The following RABGEF1 variants were observed in gnomAD, a reference collection of about 807,000 sequenced individuals.
RABGEF1 encodes RAB guanine nucleotide exchange factor 1.
A neutral mutation model predicts 57.3 loss-of-function variants in RABGEF1; 26 were observed. The observed-to-expected ratio is 0.45, with a 90% CI of 0.33 to 0.63. The LOEUF (loss-of-function observed/expected upper bound fraction) is 0.63, where lower values mean the gene tolerates loss of function less well. Ranked by LOEUF, RABGEF1 falls within the 20% of genes least tolerant of loss-of-function variation. The pLI, the probability that RABGEF1 is intolerant of heterozygous loss-of-function variation, is 0.02. For synonymous variants in RABGEF1, 185 were observed against 210.7 expected (o/e 0.88, Z 1.06); for missense variants, 464 against 607.6 (o/e 0.76, Z 2.48).
intron 2 of RABGEF1, among the ~76,000 whole-genome samples, chr7:66,732,641 T>C (rs1245946319): frequency 6.6e-6 from 1 of 152,096 alleles, no homozygotes; most frequent in East Asian, 1.9e-4. Context: ...TGACTTTCAG[T>C]TCCACTCCAT....
intron 4 of RABGEF1, among the ~76,000 whole-genome samples, chr7:66,795,304 C>T (rs143254867): frequency 5.3e-5 from 8 of 152,244 alleles, no homozygotes; most frequent in Middle Eastern, 3.4e-3. Flanking sequence ...CCGTCTTTAG[C>T]TGAACTAAGG....
intron 1 of RABGEF1, among the ~76,000 whole-genome samples, chr7:66,768,347 G>A (rs182943107): frequency 6.6e-6 from 1 of 152,348 alleles, no homozygotes; most frequent in East Asian, 1.9e-4. Context: ...CTTTGTTAAA[G>A]TGTCTGTTGA....
chr7:66,732,958 A>G (rs1009284919), intron 2 of RABGEF1, among the ~76,000 whole-genome samples: 7 of 152,246 alleles, frequency 4.6e-5, no homozygotes, highest in East Asian at 1.9e-4. Context: ...TGAGCTTGCA[A>G]AAGTGGCAAG....
At chr7:66,680,873 C>G (rs1474746067), upstream of RABGEF1, among the ~76,000 whole-genome samples, 1 of 152,070 alleles carries the variant, frequency 6.6e-6, no homozygotes, top group Non-Finnish European at 1.5e-5. Context: ...CTTGAGGTCA[C>G]GATTCCAAAC....
At chr7:66,701,973 A>G (rs898060191) in intron 1 of RABGEF1, among the ~76,000 whole-genome samples, 2 of 152,232 alleles carry the variant, frequency 1.3e-5, no homozygotes, top group Admixed American at 1.3e-4. Context: ...GGCATTAAGT[A>G]CATCCACAAT....
rs1267557634 is a variant in RABGEF1, at chr7:66,809,055, T to G, written c.1247T>G (p.Leu416Arg). The G allele has an allele frequency of 6.2e-7, 1 of 1,614,172 alleles. No homozygotes were observed. Among genetic ancestry groups the G allele is most frequent in the East Asian group, 2.2e-5 (1 of 44,874 alleles). The change falls in exon 9 of 9, where the codon CTC (leucine) becomes CGC (arginine). Residue 416 changes from leucine (L) to arginine (R), a missense_variant. Around this residue, in one of 4 missense-constraint regions of RABGEF1, gnomAD observed 151 missense variants for 152.2 expected, o/e 0.99. Coordinates refer to ENST00000284957, the MANE Select transcript of RABGEF1 (RefSeq NM_014504.3). ...GVKQMYKNLD[L>R]LSQLNERQER... ...AAGCAAATGTATAAGAACTTGGATCTCTTGTCTCAGTTGAATGAACGACAA... is the reference window on the plus strand; with the variant it reads ...AAGCAAATGTATAAGAACTTGGATCGCTTGTCTCAGTTGAATGAACGACAA...
At chr7:66,744,201 G>A (rs1379169116) in intron 1 of RABGEF1, among the ~76,000 whole-genome samples, 1 of 151,366 alleles carries the variant, frequency 6.6e-6, no homozygotes, top group Non-Finnish European at 1.5e-5. Context: ...GCGCCACCAC[G>A]CCCAGCTAAT....
At chr7:66,738,013 T>C (rs1167361900), upstream of RABGEF1, among the ~76,000 whole-genome samples, 1 of 132,690 alleles carries the variant, frequency 7.5e-6, no homozygotes, top group African/African-American at 2.6e-5. Context: ...TTGTGTTTTT[T>C]GTTTTTTTTG....
At chr7:66,797,617 T>C in intron 6 of RABGEF1, 111 bp downstream of exon 6, 2 of 1,201,494 alleles carry the variant, frequency 1.7e-6, no homozygotes, top group Non-Finnish European at 2.3e-6. Flanking sequence ...CAATAGCTCA[T>C]GTTCCTGCTT....
Position 66,721,795 on chromosome 7 carries a change from C to T in RABGEF1, c.-815+9571C>T, listed in dbSNP as rs182500831. On this transcript the variant is annotated intron_variant and NMD_transcript_variant, in intron 2 of 9. Transcript: ENST00000607882. ...CCAGCTTGGCCAACGTGGTAGAACCCCGTCTCTACTCAAAACACAAATTTA... is the reference window on the plus strand; with the variant it reads ...CCAGCTTGGCCAACGTGGTAGAACCTCGTCTCTACTCAAAACACAAATTTA... Among the ~76,000 whole-genome samples the T allele has an allele frequency of 1.9e-3, 292 of 152,170 alleles. 1 individual carries two copies. The highest frequency in any genetic ancestry group is 8.3e-3 in the South Asian group (40 of 4,820).
intron 2 of RABGEF1, among the ~76,000 whole-genome samples, chr7:66,725,643 C>G (rs1489894684): frequency 6.6e-6 from 1 of 152,188 alleles, no homozygotes; most frequent in Non-Finnish European, 1.5e-5. Context: ...GCAGATATGA[C>G]TCCCCCAACT....
intron 4 of RABGEF1, among the ~76,000 whole-genome samples, chr7:66,786,177 G>C (rs1480004188): frequency 6.6e-6 from 1 of 152,134 alleles, no homozygotes; most frequent in Non-Finnish European, 1.5e-5. Flanking sequence ...TGCCGGTGGT[G>C]AGCAGCCTTT....
intron 1 of RABGEF1, among the ~76,000 whole-genome samples, chr7:66,704,996 T>G (rs959370575): frequency 6.6e-6 from 1 of 152,180 alleles, no homozygotes; most frequent in African/African-American, 2.4e-5. Flanking sequence ...TGAGGATTCT[T>G]GTACATGTTT....
intron 8 of RABGEF1, among the ~76,000 whole-genome samples, chr7:66,805,849 A>G (rs1336870934): frequency 6.6e-6 from 1 of 151,684 alleles, no homozygotes; most frequent in Non-Finnish European, 1.5e-5. Context: ...GGCTCAAGCA[A>G]TCCTCTCACC....
chr7:66,791,799 AACG>A (rs1191349215), intron 4 of RABGEF1, among the ~76,000 whole-genome samples: 8 of 152,244 alleles, frequency 5.3e-5, no homozygotes, highest in African/African-American at 1.9e-4. Context: ...AGAAAAATAA[AACG>A]ACAACTTTAC....
chr7:66,680,767 T>C (rs1789657171), upstream of RABGEF1, among the ~76,000 whole-genome samples: 1 of 151,930 alleles, frequency 6.6e-6, no homozygotes, highest in Non-Finnish European at 1.5e-5. Context: ...GCCAATATGA[T>C]GAAACCCTGT....
chr7:66,722,029 C>T (rs1796107993), intron 2 of RABGEF1, among the ~76,000 whole-genome samples: 1 of 152,112 alleles, frequency 6.6e-6, no homozygotes, highest in African/African-American at 2.4e-5. Context: ...CATGGTAGCA[C>T]ATGCCAATAT....
intron 1 of RABGEF1, among the ~76,000 whole-genome samples, chr7:66,756,895 T>C (rs1397498138): frequency 2.0e-5 from 3 of 152,214 alleles, no homozygotes; most frequent in Non-Finnish European, 2.9e-5. Context: ...TTACCTTATA[T>C]ATTACATTAG....
rs368047167 is a variant in RABGEF1, at chr7:66,798,704, C to G, written c.729-619C>G. On this transcript the variant is annotated intron_variant, in intron 6 of 8. Coordinates refer to ENST00000284957, the MANE Select transcript of RABGEF1 (RefSeq NM_014504.3). ...TGAGGCCAGGTGTGGTGGCTCGCAC[C>G]TGTAATCCCAGCACTTTGGGAGGCC... 6.6e-5 allele frequency among the ~76,000 whole-genome samples: 10 copies of G among 152,314 alleles called. No individual in the cohort carries two copies. The East Asian group carries it at 1.9e-3, about 29-fold the overall frequency.
Sources: gnomAD v4.1 joint callset for allele counts (sites outside exome capture counted in the v4.1 genomes callset) on GRCh38, gnomAD v4.1.1 for gene constraint, gnomAD v4.1.1 regional missense constraint, MANE v1.5 for transcripts, NCBI Gene and HGNC (gene_info 2026-07-23, HGNC 2026-07-21) for gene names.